Variants in NIBAN2 observed in about 807,000 individuals in gnomAD.
NIBAN2 encodes the protein protein Niban 2.
In NIBAN2, 36 loss-of-function variants were observed where a neutral mutation model predicts 81.8. The ratio of observed to expected loss-of-function variants is 0.44; its 90% confidence interval spans 0.34 to 0.58. NIBAN2 has a LOEUF of 0.58. Among genes scored for constraint, NIBAN2 ranks in the 20% least tolerant of loss-of-function variants. NIBAN2 has a pLI of 0.02. For missense variants in NIBAN2, 897 were observed against 1,014.1 expected (o/e 0.88, Z 1.57); for synonymous variants, 445 against 441.6 (o/e 1.01, Z -0.10).
chr9:127,566,466 G>C (rs949584425), intron 1 of NIBAN2, among the ~76,000 whole-genome samples: 2 of 152,136 alleles, frequency 1.3e-5, no homozygotes, highest in African/African-American at 2.4e-5. Flanking sequence ...TGCTTGCCAG[G>C]GGCTTTGAAA....
chr9:127,511,675 G>C (rs536582075), intron 8 of NIBAN2, among the ~76,000 whole-genome samples: 7 of 152,222 alleles, frequency 4.6e-5, no homozygotes, highest in Admixed American at 3.3e-4. Flanking sequence ...CATCTGACAA[G>C]AGATTAATAA....
intron 2 of NIBAN2, among the ~76,000 whole-genome samples, chr9:127,531,340 C>T (rs1490444085): frequency 6.6e-6 from 1 of 151,780 alleles, no homozygotes; most frequent in East Asian, 1.9e-4. Context: ...AAAACTTAGC[C>T]GGGCATGGTG....
At chr9:127,576,668 T>G (rs544275909) in intron 1 of NIBAN2, among the ~76,000 whole-genome samples, 102 of 151,730 alleles carry the variant, frequency 6.7e-4, no homozygotes, top group Non-Finnish European at 1.2e-3. Context: ...ATCCCAACAC[T>G]TTGGGAGGCT....
chr9:127,573,988 C>A (rs1837978366), upstream of NIBAN2, among the ~76,000 whole-genome samples: 1 of 152,162 alleles, frequency 6.6e-6, no homozygotes, highest in African/African-American at 2.4e-5. Flanking sequence ...AATTTATATC[C>A]TCTGCCTGCT....
In NIBAN2 at chr9:127,543,489, A is replaced by T. The variant is rs1290333095; in HGVS notation, c.56-11711T>A. ...GTGGAAACATCTGGAAGATGGTTGC[A>T]TGAAGCACTTTGTAAAGGATCTCTC... On this transcript the variant is annotated intron_variant, in intron 1 of 13. Transcript: ENST00000373312. Among the ~76,000 whole-genome samples, 5 of 152,342 alleles carry T rather than the reference A, an allele frequency of 3.3e-5. 1 individual carries two copies. The highest frequency in any genetic ancestry group is 3.3e-4 in the Admixed American group (5 of 15,300).
chr9:127,541,106 G>A lies in NIBAN2; in HGVS notation c.56-9328C>T, dbSNP rs2246653. 5.9e-5 allele frequency among the ~76,000 whole-genome samples: 9 copies of A among 152,130 alleles called. No individual in the cohort carries two copies. The South Asian group carries it at 8.3e-4, about 14-fold the overall frequency. On this transcript the variant is annotated intron_variant, in intron 1 of 13. Coordinates refer to ENST00000373312, the MANE Select transcript of NIBAN2 (RefSeq NM_022833.4). ...GAGTCGGGGCAGGGACTCCATTCTC[G>A]CAGGTCTCAGAGTTGTCCCAAGCAC...
Position 127,517,937 on chromosome 9 carries a change from G to T in NIBAN2, c.594C>A (p.Ile198=). Residue 198 remains isoleucine (I), a synonymous_variant, in exon 6 of 14, where the codon ATC becomes ATA. Coordinates refer to ENST00000373312, the MANE Select transcript of NIBAN2 (RefSeq NM_022833.4). The surrounding 1 kb of genome is among the most constrained non-coding windows in gnomAD (Gnocchi z 4.0). The stretch of plus-strand genomic sequence containing the variant: ...GGCCCTCTACCTTGGAGTCCTCAGG[G>T]ATTCCTGCCCAGGAGACGGAGGGAG... The part of the protein sequence containing the change: ...QDCIRHCNNG[I]PEDSKVEGPA... 1 of 1,600,692 alleles carries T rather than the reference G, an allele frequency of 6.2e-7. No individual in the cohort carries two copies. The highest frequency in any genetic ancestry group is 8.5e-7 in the Non-Finnish European group (1 of 1,172,922).
intron 1 of NIBAN2, among the ~76,000 whole-genome samples, chr9:127,562,859 C>A (rs1465278274): frequency 1.3e-5 from 2 of 152,122 alleles, no homozygotes; most frequent in Non-Finnish European, 2.9e-5. Context: ...TAAAATGCAG[C>A]CTTTGGGGAT....
intron 4 of NIBAN2, among the ~76,000 whole-genome samples, chr9:127,524,063 G>A (rs1213228519): frequency 3.3e-5 from 5 of 152,206 alleles, no homozygotes; most frequent in African/African-American, 7.2e-5. Flanking sequence ...CATCCGTGCA[G>A]ACCCATTTCT....
At chr9:127,532,934 G>A (rs189515251) in intron 1 of NIBAN2, among the ~76,000 whole-genome samples, 1 of 152,202 alleles carries the variant, frequency 6.6e-6, no homozygotes, top group East Asian at 1.9e-4. Flanking sequence ...AAGGTAGACA[G>A]ATCACCTGAG....
intron 2 of NIBAN2, among the ~76,000 whole-genome samples, chr9:127,531,199 C>T (rs1268505174): frequency 7.2e-6 from 1 of 139,302 alleles, no homozygotes; most frequent in Admixed American, 7.2e-5. Flanking sequence ...ATTGAATAAG[C>T]CGCACATAGT....
At position 127,515,248 on chromosome 9, in the gene NIBAN2, C is replaced by T. The variant is rs563977641; in HGVS notation, c.973+1609G>A. On this transcript the variant is annotated intron_variant, in intron 8 of 13. Transcript: ENST00000373312. The stretch of plus-strand genomic sequence containing the variant: ...AAAAAACAGGCCGGGCGGCCAGGCG[C>T]GGTGGCTCACGCCTATAATCCCAGC... 1.6e-3 allele frequency among the ~76,000 whole-genome samples: 238 copies of T among 152,076 alleles called. 1 individual carries two copies. The highest frequency in any genetic ancestry group is 4.4e-3 in the African/African-American group (182 of 41,466).
intron 1 of NIBAN2, among the ~76,000 whole-genome samples, chr9:127,547,902 T>C (rs1386187990): frequency 1.3e-5 from 2 of 152,060 alleles, no homozygotes; most frequent in African/African-American, 2.4e-5. Flanking sequence ...CAAGGTGTCA[T>C]AAGGATTCAA....
chr9:127,534,372 C>T (rs186495656), intron 1 of NIBAN2, among the ~76,000 whole-genome samples: 28 of 152,302 alleles, frequency 1.8e-4, no homozygotes, highest in African/African-American at 6.7e-4. Flanking sequence ...CCTGTGTTAT[C>T]CCCACTTTAC....
In NIBAN2 at chr9:127,517,367, G is replaced by A. The variant is rs1276052571; in HGVS notation, c.706-151C>T. On this transcript the variant is annotated intron_variant, in intron 6 of 13. Coordinates refer to ENST00000373312, the MANE Select transcript of NIBAN2 (RefSeq NM_022833.4). The surrounding 1 kb of genome is among the most constrained non-coding windows in gnomAD (Gnocchi z 4.0). ...CCCTCCCTGCTGCCCTCTCTCCTGAGCTCCATTCCCACAGGTCCCAACTCA... is the reference window on the plus strand; with the variant it reads ...CCCTCCCTGCTGCCCTCTCTCCTGAACTCCATTCCCACAGGTCCCAACTCA... 3 of 664,778 alleles carry A rather than the reference G, an allele frequency of 4.5e-6. No individual in the cohort carries two copies. Among genetic ancestry groups the A allele is most frequent in the Non-Finnish European group, 7.8e-6 (3 of 386,624 alleles). 41.2% of individuals were successfully genotyped at this position (664,778 alleles called of 1,614,324 possible). A position where few individuals can be genotyped will look rare whatever the true frequency, so the allele number is the denominator to read the frequency against.
At position 127,516,850 on chromosome 9, in the gene NIBAN2, T is replaced by C. The variant is rs375158322; in HGVS notation, c.973+7A>G. On this transcript the variant is annotated splice_region_variant and intron_variant, in intron 8 of 13. Coordinates refer to ENST00000373312, the MANE Select transcript of NIBAN2 (RefSeq NM_022833.4). ...AGGGCCCGTCGAGCACGGGGGTGGC[T>C]GCCTACCTCGGATCTTGCTGGCAAG... 2 of 1,608,784 alleles carry C rather than the reference T, an allele frequency of 1.2e-6. No individual in the cohort carries two copies. Among genetic ancestry groups the C allele is most frequent in the Non-Finnish European group, 8.5e-7 (1 of 1,175,500 alleles).
intron 2 of NIBAN2, among the ~76,000 whole-genome samples, 177 bp downstream of exon 2, chr9:127,531,471 G>A (rs184635788): frequency 1.9e-4 from 28 of 149,488 alleles, no homozygotes; most frequent in Admixed American, 1.8e-3. Flanking sequence ...GTGACAGAGC[G>A]AGACTCTGTC....
Position 127,508,898 on chromosome 9 carries a change from G to C in NIBAN2, c.1317+78C>G. The C allele has an allele frequency of 1.3e-6, 2 of 1,535,896 alleles. No individual in the cohort carries two copies. The highest frequency in any genetic ancestry group is 1.8e-6 in the Non-Finnish European group (2 of 1,113,334). On this transcript the variant is annotated intron_variant, in intron 10 of 13. Transcript: ENST00000373312. The surrounding 1 kb of genome is among the most constrained non-coding windows in gnomAD (Gnocchi z 6.4). The stretch of plus-strand genomic sequence containing the variant: ...GGCTATGGCATGACGGGACGGAGCA[G>C]AAGGGACCCCCTGGGCGAGGGGGCC...
rs777735995 is a variant in NIBAN2 at position 127,559,560 on chromosome 9, C to A, written c.55+9260G>T. ...GGCAGCTTCTTCCCAAGGGACTCCTCTTCTAGAAGGTGCTAAGCTTCACAA... is the reference window on the plus strand; with the variant it reads ...GGCAGCTTCTTCCCAAGGGACTCCTATTCTAGAAGGTGCTAAGCTTCACAA... On this transcript the variant is annotated intron_variant, in intron 1 of 13. Coordinates refer to ENST00000373312, the MANE Select transcript of NIBAN2 (RefSeq NM_022833.4). The surrounding 1 kb of genome is among the most constrained non-coding windows in gnomAD (Gnocchi z 4.0). 5.3e-5 allele frequency among the ~76,000 whole-genome samples: 8 copies of A among 152,230 alleles called. No homozygotes were observed. Among genetic ancestry groups the A allele is most frequent in the Non-Finnish European group, 1.2e-4 (8 of 68,044 alleles).
Sources: gnomAD v4.1 joint callset for allele counts (sites outside exome capture counted in the v4.1 genomes callset) on GRCh38, gnomAD v4.1.1 for gene constraint, Gnocchi (gnomAD v3.1) non-coding constraint, MANE v1.5 for transcripts, NCBI Gene and HGNC (gene_info 2026-07-23, HGNC 2026-07-21) for gene names.